Variants in RALGPS1 observed in about 807,000 individuals in gnomAD.
The protein encoded by RALGPS1 is Ral GEF with PH domain and SH3 binding motif 1.
RALGPS1 carries 19 observed loss-of-function variants against 78.8 expected under a neutral mutation model. That is an observed-to-expected ratio of 0.24 (90% CI 0.17 to 0.35). The LOEUF (loss-of-function observed/expected upper bound fraction) is 0.35, where lower values mean the gene tolerates loss of function less well. Among genes scored for constraint, RALGPS1 ranks in the 10% least tolerant of loss-of-function variants. RALGPS1 has a pLI of 1.00. For synonymous variants in RALGPS1, 228 were observed against 256.3 expected, an observed-to-expected ratio of 0.89 and a Z score of 1.06; for missense variants, 454 against 688.3, an observed-to-expected ratio of 0.66 and a Z score of 3.81.
chr9:127,161,104 CTG>C (rs2058992314), intron 8 of RALGPS1, among the ~76,000 whole-genome samples: 1 of 152,252 alleles, frequency 6.6e-6, no homozygotes, highest in Admixed American at 6.5e-5. Context: ...TTTGGTAACT[CTG>C]TGTAAATAGG....
intron 4 of RALGPS1, among the ~76,000 whole-genome samples, chr9:127,012,934 T>C (rs1240304882): frequency 6.6e-6 from 1 of 152,002 alleles, no homozygotes; most frequent in Non-Finnish European, 1.5e-5. Flanking sequence ...CCTGGTCTAA[T>C]GGGAAAGGTA....
intron 14 of RALGPS1, among the ~76,000 whole-genome samples, chr9:127,202,571 C>T (rs1250647355): frequency 6.6e-6 from 1 of 152,156 alleles, no homozygotes; most frequent in Non-Finnish European, 1.5e-5. Flanking sequence ...GTCTCCTCAC[C>T]CATGTCAGCC....
rs115278631 is a variant in RALGPS1, at chr9:127,186,220, A to G, written c.911-8871A>G. 4.1e-3 allele frequency among the ~76,000 whole-genome samples: 627 copies of G among 152,346 alleles called. 4 individuals are homozygous for G. The highest frequency in any genetic ancestry group is 0.014 in the African/African-American group (601 of 41,584). ...TTCCCCACAGAGACTGTCAGTTCTC[A>G]TATGTTCCAATAAAACTGCTAAAGA... On this transcript the variant is annotated intron_variant, in intron 11 of 18. Transcript: ENST00000259351.
At chr9:127,200,070 G>A (rs1234300095) in intron 14 of RALGPS1, among the ~76,000 whole-genome samples, 2 of 152,086 alleles carry the variant, frequency 1.3e-5, no homozygotes, top group East Asian at 1.9e-4. Context: ...ACTGTCACAC[G>A]TGGGTGTATA....
At chr9:126,943,439 G>A (rs1373473584) in intron 1 of RALGPS1, among the ~76,000 whole-genome samples, 1 of 152,190 alleles carries the variant, frequency 6.6e-6, no homozygotes, top group Non-Finnish European at 1.5e-5. Flanking sequence ...CACCGTGCCT[G>A]GCCTTATGTT....
chr9:127,204,488 C>CT (rs1471462361), intron 14 of RALGPS1, among the ~76,000 whole-genome samples: 1 of 152,040 alleles, frequency 6.6e-6, no homozygotes, highest in African/African-American at 2.4e-5. Context: ...ACCCAGGGGT[C>CT]TAAGGCTGGG....
At chr9:127,100,342 A>C (rs1479471177) in intron 8 of RALGPS1, among the ~76,000 whole-genome samples, 1 of 152,222 alleles carries the variant, frequency 6.6e-6, no homozygotes, top group African/African-American at 2.4e-5. Context: ...GGGCCCAGAA[A>C]GGGCTTATAA....
rs760915008 is a variant in RALGPS1 at position 127,088,914 on chromosome 9, C to T, written c.610+19558C>T. Reference sequence around the variant, plus strand: ...CAGGGTGGGCTCCTGGCAATGGCCACGAGAGGTCAGGAGGGGGAGCTGGCT... The same window carrying T: ...CAGGGTGGGCTCCTGGCAATGGCCATGAGAGGTCAGGAGGGGGAGCTGGCT... On this transcript the variant is annotated intron_variant, in intron 8 of 18. Transcript: ENST00000259351. 8.7e-6 allele frequency: 14 copies of T among 1,613,800 alleles called. 1 individual carries two copies. The highest frequency in any genetic ancestry group is 5.5e-5 in the South Asian group (5 of 91,058).
At chr9:127,174,085 C>T (rs542616823) in intron 10 of RALGPS1, among the ~76,000 whole-genome samples, 101 of 151,976 alleles carry the variant, frequency 6.6e-4, no homozygotes, top group Non-Finnish European at 1.3e-3. Context: ...CATGGTGGAA[C>T]CCCGTCTCTA....
chr9:127,172,777 T>C (rs1167834992), intron 10 of RALGPS1, among the ~76,000 whole-genome samples: 1 of 152,224 alleles, frequency 6.6e-6, no homozygotes, highest in Non-Finnish European at 1.5e-5. Context: ...GTTTTACTTG[T>C]GTTTGTAATA....
At chr9:127,131,577 T>C (rs1269824451) in intron 8 of RALGPS1, among the ~76,000 whole-genome samples, 1 of 151,972 alleles carries the variant, frequency 6.6e-6, no homozygotes, top group African/African-American at 2.4e-5. Context: ...GGTGAGGGAG[T>C]CTACATCTAC....
At position 127,220,931 on chromosome 9, in the gene RALGPS1, T is replaced by C. The variant is rs1465248395; in HGVS notation, c.*2162T>C. 1 of 152,646 alleles carries C rather than the reference T, an allele frequency of 6.6e-6. No homozygotes were observed. The highest frequency in any genetic ancestry group is 1.5e-5 in the Non-Finnish European group (1 of 68,042). 9.5% of individuals were successfully genotyped at this position (152,646 alleles called of 1,614,324 possible). On this transcript the variant is annotated 3_prime_UTR_variant, in exon 19 of 19. Coordinates refer to ENST00000259351, the MANE Select transcript of RALGPS1 (RefSeq NM_014636.3). Reference sequence around the variant, plus strand: ...TTTCAGAAACATCTCTTAGCCTAATTTGAAATAGCACAATCACAATTCAAA... The same window carrying C: ...TTTCAGAAACATCTCTTAGCCTAATCTGAAATAGCACAATCACAATTCAAA...
At chr9:127,001,384 C>G (rs534894884) in intron 4 of RALGPS1, among the ~76,000 whole-genome samples, 32 of 151,978 alleles carry the variant, frequency 2.1e-4, no homozygotes, top group African/African-American at 4.1e-4. Flanking sequence ...CATGATTCCA[C>G]CTTAACTTCT....
intron 1 of RALGPS1, among the ~76,000 whole-genome samples, chr9:126,958,368 C>T (rs1159344322): frequency 6.6e-6 from 1 of 151,962 alleles, no homozygotes; most frequent in Non-Finnish European, 1.5e-5. Flanking sequence ...TAACTGCCAC[C>T]ACGATCCAGT....
At chr9:126,927,056 G>T (rs1032608603) in intron 1 of RALGPS1, among the ~76,000 whole-genome samples, 4 of 152,132 alleles carry the variant, frequency 2.6e-5, no homozygotes, top group South Asian at 2.1e-4. Context: ...ATCTGCAGCT[G>T]AGAGAGAGAT....
intron 4 of RALGPS1, among the ~76,000 whole-genome samples, chr9:126,993,791 C>T (rs901467215): frequency 1.3e-5 from 2 of 152,194 alleles, no homozygotes; most frequent in African/African-American, 4.8e-5. Flanking sequence ...TAGGGGCGGA[C>T]TGACACCTCA....
At chr9:127,047,122 C>A (rs563328613) in intron 5 of RALGPS1, among the ~76,000 whole-genome samples, 1 of 152,192 alleles carries the variant, frequency 6.6e-6, no homozygotes, top group African/African-American at 2.4e-5. Context: ...AAAACAGGTA[C>A]ACACGCTTTT....
chr9:127,050,908 C>T (rs193192796), intron 6 of RALGPS1, among the ~76,000 whole-genome samples: 38 of 152,354 alleles, frequency 2.5e-4, no homozygotes, highest in African/African-American at 8.9e-4. Flanking sequence ...AGGCACCATG[C>T]TGTGGTCACC....
intron 8 of RALGPS1, among the ~76,000 whole-genome samples, chr9:127,099,205 C>T (rs1157643750): frequency 6.6e-6 from 1 of 152,206 alleles, no homozygotes; most frequent in Non-Finnish European, 1.5e-5. Flanking sequence ...TCAGAGGACC[C>T]TGTGGCCTGT....
Sources: gnomAD v4.1 joint callset for allele counts (sites outside exome capture counted in the v4.1 genomes callset) on GRCh38, gnomAD v4.1.1 for gene constraint, MANE v1.5 for transcripts, NCBI Gene and HGNC (gene_info 2026-07-23, HGNC 2026-07-21) for gene names.